The following NAP1L1 variants were observed in gnomAD, a reference collection of about 807,000 sequenced individuals.
NAP1L1 encodes the protein nucleosome assembly protein 1-like 1.
NAP1L1 carries 9 observed loss-of-function variants against 58.9 expected under a neutral mutation model. The observed-to-expected ratio is 0.15, with a 90% CI of 0.09 to 0.27. The LOEUF (loss-of-function observed/expected upper bound fraction) is 0.27, where lower values mean the gene tolerates loss of function less well. Ranked by LOEUF, NAP1L1 falls within the 10% of genes least tolerant of loss-of-function variation. The probability of loss-of-function intolerance (pLI) is 1.00; values close to 1 mark genes in which losing one functional copy is unlikely to be tolerated. For synonymous variants in NAP1L1, 130 were observed against 138.3 expected, an observed-to-expected ratio of 0.94 and a Z score of 0.42; for missense variants, 302 against 458.8, an observed-to-expected ratio of 0.66 and a Z score of 3.12.
chr12:76,080,851 C>A (rs1270389679), intron 1 of NAP1L1, among the ~76,000 whole-genome samples: 4 of 152,150 alleles, frequency 2.6e-5, no homozygotes, highest in Non-Finnish European at 5.9e-5. Flanking sequence ...TCCACCCTCA[C>A]AAACGAATTA....
chr12:76,069,571 G>C (rs1011530722), intron 2 of NAP1L1, among the ~76,000 whole-genome samples: 3 of 152,182 alleles, frequency 2.0e-5, no homozygotes, highest in African/African-American at 7.2e-5. Context: ...AGGCATCCTA[G>C]AGAATGAAAG....
chr12:76,069,081 T>C (rs1316170500), intron 2 of NAP1L1, 87 bp from the exon 3 acceptor site: 9 of 913,702 alleles, frequency 9.9e-6, no homozygotes, highest in African/African-American at 6.7e-5. Flanking sequence ...TTTTCAAAAT[T>C]AGTATCTCTT....
chr12:76,056,275 G>A (rs1949080702), intron 6 of NAP1L1, 114 bp from the exon 7 acceptor site: 2 of 1,079,908 alleles, frequency 1.9e-6, no homozygotes, highest in Non-Finnish European at 2.6e-6. Flanking sequence ...CAAAGTTCTA[G>A]TCTATCTGTG....
At chr12:76,076,591 T>TATATATATA (rs1362111969) in intron 1 of NAP1L1, among the ~76,000 whole-genome samples, 1 of 115,972 alleles carries the variant, frequency 8.6e-6, no homozygotes, top group Non-Finnish European at 1.8e-5. Flanking sequence ...TATATATATA[T>TATATATATA]ATCTCCACTC....
In NAP1L1 at chr12:76,050,551, T is replaced by C. The variant is rs1169051913; in HGVS notation, c.1039A>G (p.Ile347Val). The C allele has an allele frequency of 8.7e-6, 14 of 1,606,132 alleles. No homozygotes were observed. The highest frequency in any genetic ancestry group is 9.3e-6 in the Non-Finnish European group (11 of 1,178,180). ...CTTACATCATCATCATCATCTTCAA[T>C]AGCTTCTCCAGTAAAATATAACACT... Reference protein sequence around the residue: ...RSVLYFTGEAIEDDDDDYDEE... With the variant: ...RSVLYFTGEAVEDDDDDYDEE... Residue 347 changes from isoleucine to valine, a missense_variant, in exon 12 of 15, where the codon ATT becomes GTT. Physicochemically the swap from Ile to Val is conservative, Grantham distance 29. Transcript: ENST00000618691.
rs999613966 is a variant in NAP1L1, at chr12:76,052,659, C to G, written c.936+432G>C. ...CTCAGTTCAGTCTATATGGCAGGAACATTTCATGTTCTTTGCCATATGCCA... is the reference window on the plus strand; with the variant it reads ...CTCAGTTCAGTCTATATGGCAGGAAGATTTCATGTTCTTTGCCATATGCCA... On this transcript the variant is annotated intron_variant, in intron 11 of 14. Coordinates refer to ENST00000618691, the MANE Select transcript of NAP1L1 (RefSeq NM_004537.7). Among the ~76,000 whole-genome samples the G allele has an allele frequency of 5.9e-5, 9 of 152,170 alleles. 1 individual carries two copies. The highest frequency in any genetic ancestry group is 2.0e-4 in the Admixed American group (3 of 15,278).
Position 76,042,385 on chromosome 12 carries a change from CAG to C in NAP1L1, c.*6042_*6043del, listed in dbSNP as rs1428978082. On this transcript the variant is annotated 3_prime_UTR_variant, in exon 15 of 15. Transcript: ENST00000618691. Reference sequence around the variant, plus strand: ...TGATGCTGAACCAACAGGTGGTAGACAGACTCTAAAGCCTGTGTTTAAAGACA... The same window carrying C: ...TGATGCTGAACCAACAGGTGGTAGACACTCTAAAGCCTGTGTTTAAAGACA... 1 of 152,188 alleles carries C rather than the reference CAG, an allele frequency of 6.6e-6. No homozygotes were observed. Among genetic ancestry groups the C allele is most frequent in the East Asian group, 1.9e-4 (1 of 5,196 alleles). The allele number at this position is 152,188 out of a possible 1,614,324, so 9.4% of individuals were successfully genotyped here. A position where few individuals can be genotyped will look rare whatever the true frequency, so the allele number is the denominator to read the frequency against.
intron 11 of NAP1L1, among the ~76,000 whole-genome samples, chr12:76,052,103 C>T (rs1424977679): frequency 6.6e-6 from 1 of 152,080 alleles, no homozygotes; most frequent in East Asian, 1.9e-4. Context: ...ACAATGAGCA[C>T]ACCCTCTGTG....
At position 76,048,353 on chromosome 12, in the gene NAP1L1, T is replaced by C; in HGVS notation, c.*76A>G. The C allele has an allele frequency of 6.6e-7, 1 of 1,521,582 alleles. No individual in the cohort carries two copies. The highest frequency in any genetic ancestry group is 9.0e-7 in the Non-Finnish European group (1 of 1,112,096). 94.3% of individuals were successfully genotyped at this position (1,521,582 alleles called of 1,614,324 possible). ...AGTCTACCAAGAAAATACAAAAACATAAGGCTGTAAGTAAATAAGAGTTGT... is the reference window on the plus strand; with the variant it reads ...AGTCTACCAAGAAAATACAAAAACACAAGGCTGTAAGTAAATAAGAGTTGT... On this transcript the variant is annotated 3_prime_UTR_variant, in exon 15 of 15. Transcript: ENST00000618691.
chr12:76,083,527 G>A (rs1343117655), intron 1 of NAP1L1, among the ~76,000 whole-genome samples: 2 of 136,544 alleles, frequency 1.5e-5, no homozygotes, highest in Non-Finnish European at 3.1e-5. Context: ...CACATTTAAA[G>A]CCGTCCTGGG....
At chr12:76,084,381 C>T (rs1415739546) in intron 1 of NAP1L1, among the ~76,000 whole-genome samples, 186 bp downstream of exon 1, 1 of 152,102 alleles carries the variant, frequency 6.6e-6, no homozygotes, top group Non-Finnish European at 1.5e-5. Context: ...CCCGGGGCCC[C>T]TCTCAGGCTC....
Position 76,074,214 on chromosome 12 carries a change from T to C in NAP1L1, c.6A>G (p.Ala2=), listed in dbSNP as rs1428903208. 1.9e-6 allele frequency: 3 copies of C among 1,601,536 alleles called. No individual in the cohort carries two copies. Among genetic ancestry groups the C allele is most frequent in the Non-Finnish European group, 2.6e-6 (3 of 1,173,466 alleles). ...TCTCTGCCACTTACTTGTCAATGTC[T>C]GCCATGTTGTAAGAACTCCAAATAT... is the stretch of plus-strand genomic sequence containing the variant. M[A]DIDNKEQSEL... Residue 2 remains alanine (A), a synonymous_variant, in exon 2 of 15, where the codon GCA becomes GCG. Transcript: ENST00000618691.
rs1271667869 is a variant in NAP1L1, at chr12:76,047,589, A to T, written c.*840T>A. On this transcript the variant is annotated 3_prime_UTR_variant, in exon 15 of 15. Coordinates refer to ENST00000618691, the MANE Select transcript of NAP1L1 (RefSeq NM_004537.7). ...AAAATTAAGACATTATCTTGTAAGA[A>T]CTAAAATTGTATTTGAAATTTTTAT... 3 of 152,014 alleles carry T rather than the reference A, an allele frequency of 2.0e-5. No homozygotes were observed. Among genetic ancestry groups the T allele is most frequent in the African/African-American group, 7.2e-5 (3 of 41,436 alleles). The allele number at this position is 152,014 out of a possible 1,614,324, so 9.4% of individuals were successfully genotyped here.
chr12:76,056,338 C>T (rs1295906452), intron 6 of NAP1L1, 177 bp from the exon 7 acceptor site: 2 of 566,090 alleles, frequency 3.5e-6, no homozygotes, highest in East Asian at 3.3e-5. Context: ...ATTACTGCTA[C>T]CACACCCCTC....
rs751388647 is a variant in NAP1L1, at chr12:76,053,682, C to T, written c.770+88G>A. ...AAAATGTTCAGAGACAGACTATGTACATATGTAACTGAAAATAACCGAGTA... is the reference window on the plus strand; with the variant it reads ...AAAATGTTCAGAGACAGACTATGTATATATGTAACTGAAAATAACCGAGTA... On this transcript the variant is annotated intron_variant, in intron 9 of 14. Coordinates refer to ENST00000618691, the MANE Select transcript of NAP1L1 (RefSeq NM_004537.7). 6 of 1,437,940 alleles carry T rather than the reference C, an allele frequency of 4.2e-6. No individual in the cohort carries two copies. In the African/African-American group the frequency reaches 4.3e-5, roughly 10 times the overall value. The allele number at this position is 1,437,940 out of a possible 1,614,324, so 89.1% of individuals were successfully genotyped here. A position where few individuals can be genotyped will look rare whatever the true frequency, so the allele number is the denominator to read the frequency against.
chr12:76,042,445 T>C lies in NAP1L1; in HGVS notation c.*5984A>G, dbSNP rs1436848353. 6.6e-6 allele frequency: 1 copy of C among 152,216 alleles called. No homozygotes were observed. The highest frequency in any genetic ancestry group is 1.5e-5 in the Non-Finnish European group (1 of 68,040). 9.4% of individuals were successfully genotyped at this position (152,216 alleles called of 1,614,324 possible). ...AAGACACTACTTGTATTCTCACACATATCCATTAAAATTTGGTAGCAGAGA... is the reference window on the plus strand; with the variant it reads ...AAGACACTACTTGTATTCTCACACACATCCATTAAAATTTGGTAGCAGAGA... On this transcript the variant is annotated 3_prime_UTR_variant, in exon 15 of 15. Coordinates refer to ENST00000618691, the MANE Select transcript of NAP1L1 (RefSeq NM_004537.7).
At chr12:76,073,681 A>G (rs943402616) in intron 2 of NAP1L1, 3 of 152,386 alleles carry the variant, frequency 2.0e-5, no homozygotes, top group Non-Finnish European at 4.4e-5. Flanking sequence ...ATAGGTGGTA[A>G]AGCTCTGAAG....
rs1948546415 is a variant in NAP1L1 at position 76,041,036 on chromosome 12, C to A, written c.*7393G>T. On this transcript the variant is annotated 3_prime_UTR_variant, in exon 15 of 15. Coordinates refer to ENST00000618691, the MANE Select transcript of NAP1L1 (RefSeq NM_004537.7). ...ATTTGACTGAAGGAAGCTGGGGCCC[C>A]TAGCCCCTGCATTATGAAAGAGCTA... 1 of 152,210 alleles carries A rather than the reference C, an allele frequency of 6.6e-6. No homozygotes were observed. The highest frequency in any genetic ancestry group is 1.5e-5 in the Non-Finnish European group (1 of 68,036). 9.4% of individuals were successfully genotyped at this position (152,210 alleles called of 1,614,324 possible).
rs998252534 is a variant in NAP1L1, at chr12:76,036,647, G to A, written c.*11782C>T. On this transcript the variant is annotated 3_prime_UTR_variant, in exon 15 of 15. Coordinates refer to ENST00000618691, the MANE Select transcript of NAP1L1 (RefSeq NM_004537.7). ...AAAATTCTGATCTGTAAACCAATTT[G>A]CAATATACAGTAGAAACTCATGACA... is the stretch of plus-strand genomic sequence containing the variant. 6.6e-6 allele frequency: 1 copy of A among 152,118 alleles called. No homozygotes were observed. The highest frequency in any genetic ancestry group is 1.5e-5 in the Non-Finnish European group (1 of 68,014). 9.4% of individuals were successfully genotyped at this position (152,118 alleles called of 1,614,324 possible).
Sources: gnomAD v4.1 joint callset for allele counts (sites outside exome capture counted in the v4.1 genomes callset) on GRCh38, gnomAD v4.1.1 for gene constraint, MANE v1.5 for transcripts, NCBI Gene and HGNC (gene_info 2026-07-23, HGNC 2026-07-21) for gene names.